The following COG8 variants were observed in gnomAD, a reference collection of about 807,000 sequenced individuals.
COG8 encodes the protein component of oligomeric golgi complex 8.
A neutral mutation model predicts 46.5 loss-of-function variants in COG8; 45 were observed. The ratio of observed to expected loss-of-function variants is 0.97; its 90% confidence interval spans 0.76 to 1.24. The LOEUF (loss-of-function observed/expected upper bound fraction) is 1.24, where lower values mean the gene tolerates loss of function less well. COG8 is among the 50% of genes most tolerant of loss of function. The pLI, the probability that COG8 is intolerant of heterozygous loss-of-function variation, is 0.00. For missense variants in COG8, 793 were observed against 820.8 expected (o/e 0.97, Z 0.41); for synonymous variants, 407 against 347.8 (o/e 1.17, Z -1.90).
At chr16:69,330,366 G>A (rs755291927) in intron 5 of COG8, 36 of 1,477,872 alleles carry the variant, frequency 2.4e-5, no homozygotes, top group East Asian at 1.5e-4. Context: ...TCCCCGACTT[G>A]GCACACGTGC....
intron 4 of COG8, among the ~76,000 whole-genome samples, chr16:69,332,243 G>C (rs746875485): frequency 3.9e-5 from 6 of 152,106 alleles, no homozygotes; most frequent in Admixed American, 2.0e-4. Context: ...CCAGCTACTC[G>C]GGAGGCTGAG....
Position 69,335,080 on chromosome 16 carries a change from A to T in COG8, c.854T>A (p.Ile285Asn). 1 of 1,614,180 alleles carries T rather than the reference A, an allele frequency of 6.2e-7. No homozygotes were observed. Among genetic ancestry groups the T allele is most frequent in the Non-Finnish European group, 8.5e-7 (1 of 1,180,042 alleles). Residue 285 changes from isoleucine to asparagine, a missense_variant, in exon 3 of 6, where the codon ATC (isoleucine) becomes AAC (asparagine). Transcript: ENST00000306875. ...GAAGATGGCACGGTACTGGGTGATG[A>T]TATCAAAGAGATGGACACGGGAGGC... Reference protein sequence around the residue: ...IEASRVHLFDIITQYRAIFSD... With the variant: ...IEASRVHLFDNITQYRAIFSD...
At position 69,330,997 on chromosome 16, in the gene COG8, T is replaced by C. The variant is rs747960409; in HGVS notation, c.1681A>G (p.Thr561Ala). The stretch of plus-strand genomic sequence containing the variant: ...GCCTGGTCATCCAGGGTGAAAAGCG[T>C]CTCTCTCTTTGGCAGGATAAAGGCG... ...PLAFILPKRE[T>A]LFTLDDQALG... is the part of the protein sequence containing the mutation. The change falls in exon 5 of 6, where the codon ACG (threonine) becomes GCG (alanine). Residue 561 changes from threonine to alanine, a missense_variant. Thr to Ala is a moderately conservative substitution (Grantham distance 58, BLOSUM62 0). Transcript: ENST00000306875. 6.2e-7 allele frequency: 1 copy of C among 1,610,236 alleles called. No homozygotes were observed. The highest frequency in any genetic ancestry group is 8.5e-7 in the Non-Finnish European group (1 of 1,178,576).
chr16:69,336,818 T>A, intron 1 of COG8, 106 bp from the exon 2 acceptor site: 1 of 999,834 alleles, frequency 1.0e-6, no homozygotes, highest in South Asian at 1.3e-5. Flanking sequence ...ATCTATCTGA[T>A]TTATTCCTCA....
In COG8 at chr16:69,327,606, A is replaced by C. The variant is rs955602144; in HGVS notation, c.*1600T>G. 2 of 152,086 alleles carry C rather than the reference A, an allele frequency of 1.3e-5. No homozygotes were observed. Among genetic ancestry groups the C allele is most frequent in the Non-Finnish European group, 2.9e-5 (2 of 68,028 alleles). The allele number at this position is 152,086 out of a possible 1,614,324, so 9.4% of individuals were successfully genotyped here. A position where few individuals can be genotyped will look rare whatever the true frequency, so the allele number is the denominator to read the frequency against. ...TGCCATTTATAACACTTTTTCCTCT[A>C]AACAGCTTAATGGACTTCCTACTAC... is the stretch of plus-strand genomic sequence containing the variant. On this transcript the variant is annotated 3_prime_UTR_variant, in exon 6 of 6. Coordinates refer to ENST00000306875, the MANE Select transcript of COG8 (RefSeq NM_032382.5).
At chr16:69,338,104 G>A (rs2012306663) in intron 1 of COG8, 1 of 153,160 alleles carries the variant, frequency 6.5e-6, no homozygotes, top group Non-Finnish European at 1.5e-5. Context: ...ACAGCCCACC[G>A]CAGCCTCGAC....
Position 69,339,183 on chromosome 16 carries a change from T to A in COG8, c.370A>T (p.Ser124Cys), listed in dbSNP as rs2012383197. 3 of 1,612,788 alleles carry A rather than the reference T, an allele frequency of 1.9e-6. No homozygotes were observed. The highest frequency in any genetic ancestry group is 2.5e-6 in the Non-Finnish European group (3 of 1,179,904). The change falls in exon 1 of 6, where the codon AGC (serine) becomes TGC (cysteine). Residue 124 changes from serine (S) to cysteine (C), a missense_variant. Transcript: ENST00000306875. ...LLDRLPSFQQ[S>C]CRNFVKEAEE... ...GCGCCAGGCGCGTCGCACCTGCAGC[T>A]CTGCTGGAAGCTGGGCAAACGGTCG...
chr16:69,329,856 T>C, intron 5 of COG8: 1 of 1,096,540 alleles, frequency 9.1e-7, no homozygotes, highest in Non-Finnish European at 1.2e-6. Context: ...CTATCCGTCC[T>C]GAGGCCTCTC....
At chr16:69,331,663 A>C (rs546359167) in intron 4 of COG8, among the ~76,000 whole-genome samples, 37 of 151,804 alleles carry the variant, frequency 2.4e-4, no homozygotes, top group Middle Eastern at 3.4e-3. Context: ...CCACCATGCC[A>C]GGCTAATTTT....
At position 69,335,277 on chromosome 16, in the gene COG8, G is replaced by T. The variant is rs2143352323; in HGVS notation, c.657C>A (p.Asn219Lys). ...CACGGAGGCAGGCAGGAAGCTGGAT[G>T]TTGGTCCTCAGTTGCTGGATCAGCT... ...LSQLIQQLRT[N>K]IQLPACLRVI... The change falls in exon 3 of 6, where the codon AAC becomes AAA. Residue 219 changes from asparagine (N) to lysine (K), a missense_variant. By Grantham distance (94) the Asn-to-Lys change is moderately conservative. Coordinates refer to ENST00000306875, the MANE Select transcript of COG8 (RefSeq NM_032382.5). The T allele has an allele frequency of 6.2e-7, 1 of 1,613,118 alleles. No homozygotes were observed. The highest frequency in any genetic ancestry group is 1.1e-5 in the South Asian group (1 of 90,984).
chr16:69,332,605 A>T, intron 4 of COG8, 109 bp downstream of exon 4: 2 of 1,070,936 alleles, frequency 1.9e-6, no homozygotes, highest in Non-Finnish European at 2.9e-6. Flanking sequence ...AAATATTCTA[A>T]AATTGGATTC....
chr16:69,329,805 C>T (rs1450593695), intron 5 of COG8, among the ~76,000 whole-genome samples: 1 of 152,246 alleles, frequency 6.6e-6, no homozygotes, highest in Admixed American at 6.5e-5. Flanking sequence ...CTCTCCTCGC[C>T]CCTGCGTCCT....
At chr16:69,331,928 G>C (rs1015331847) in intron 4 of COG8, among the ~76,000 whole-genome samples, 1 of 152,240 alleles carries the variant, frequency 6.6e-6, no homozygotes, top group Admixed American at 6.5e-5. Context: ...ACCTCAGGCA[G>C]CACCAGGGAA....
In COG8 at chr16:69,328,814, C is replaced by T. The variant is rs762166921; in HGVS notation, c.*392G>A. On this transcript the variant is annotated 3_prime_UTR_variant, in exon 6 of 6. Coordinates refer to ENST00000306875, the MANE Select transcript of COG8 (RefSeq NM_032382.5). ...CCACTCCTTTGGGGGTGATTTTTCT[C>T]CTCAAGTTGTAGCCAACATTTTGTC... 4.8e-6 allele frequency: 3 copies of T among 622,218 alleles called. No individual in the cohort carries two copies. The Admixed American group carries it at 1.1e-4, about 23-fold the overall frequency. 38.5% of individuals were successfully genotyped at this position (622,218 alleles called of 1,614,324 possible).
chr16:69,329,859 G>A lies in COG8; in HGVS notation c.*27-680C>T, dbSNP rs1378220011. The A allele has an allele frequency of 8.1e-6, 9 of 1,115,626 alleles. No homozygotes were observed. In the East Asian group the frequency reaches 1.8e-4, roughly 23 times the overall value. The allele number at this position is 1,115,626 out of a possible 1,614,324, so 69.1% of individuals were successfully genotyped here. On this transcript the variant is annotated intron_variant, in intron 5 of 5. Coordinates refer to ENST00000306875, the MANE Select transcript of COG8 (RefSeq NM_032382.5). ...CCACAGGAGCTTCTATCCGTCCTGA[G>A]GCCTCTCCGCTCCCGCATCCCACTT...
At position 69,331,007 on chromosome 16, in the gene COG8, T is replaced by C. The variant is rs776006207; in HGVS notation, c.1671A>G (p.Pro557=). The change falls in exon 5 of 6, where the codon CCA becomes CCG. Residue 557 remains proline (P), a synonymous_variant. Coordinates refer to ENST00000306875, the MANE Select transcript of COG8 (RefSeq NM_032382.5). ...AIQEPLAFIL[P]KRETLFTLDD... is the part of the protein sequence containing the mutation. ...CCAGGGTGAAAAGCGTCTCTCTCTT[T>C]GGCAGGATAAAGGCGAGGGGCTCCT... 3.7e-6 allele frequency: 6 copies of C among 1,612,150 alleles called. No homozygotes were observed. In the South Asian group the frequency reaches 4.4e-5, roughly 12 times the overall value.
In COG8 at chr16:69,339,429, C is replaced by T. The variant is rs746409327; in HGVS notation, c.124G>A (p.Glu42Lys). 2.5e-6 allele frequency: 4 copies of T among 1,586,360 alleles called. No individual in the cohort carries two copies. The highest frequency in any genetic ancestry group is 2.3e-5 in the East Asian group (1 of 43,898). ...AGGTAGCGGCCCACATCGGGCCGCT[C>T]GCGCCACTGGGCCTCGGGGAAGCGG... ...RDRFPEAQWR[E>K]RPDVGRYLRE... Residue 42 changes from glutamate (E) to lysine (K), a missense_variant, in exon 1 of 6, where the codon GAG becomes AAG. Glu to Lys is a moderately conservative substitution (Grantham distance 56, BLOSUM62 1). Coordinates refer to ENST00000306875, the MANE Select transcript of COG8 (RefSeq NM_032382.5).
chr16:69,331,050 A>C lies in COG8; in HGVS notation c.1628T>G (p.Val543Gly). 6.2e-7 allele frequency: 1 copy of C among 1,614,006 alleles called. No individual in the cohort carries two copies. The highest frequency in any genetic ancestry group is 8.5e-7 in the Non-Finnish European group (1 of 1,179,996). The change falls in exon 5 of 6, where the codon GTG becomes GGG. Residue 543 changes from valine to glycine, a missense_variant. Physicochemically the swap from Val to Gly is moderately radical, Grantham distance 109. Transcript: ENST00000306875. ...GGGCTCCTGAATGGCGCCGATGTTC[A>C]CATGCCCTAGGTTACCGTACTTGGA... ...QLSKYGNLGH[V>G]NIGAIQEPLA...
intron 4 of COG8, 107 bp from the exon 5 acceptor site, chr16:69,331,202 C>T: frequency 8.0e-7 from 1 of 1,243,314 alleles, no homozygotes; most frequent in Non-Finnish European, 1.1e-6. Flanking sequence ...AATCCCAGCA[C>T]TTTGGGAGGC....
Sources: gnomAD v4.1 joint callset for allele counts (sites outside exome capture counted in the v4.1 genomes callset) on GRCh38, gnomAD v4.1.1 for gene constraint, MANE v1.5 for transcripts, NCBI Gene and HGNC (gene_info 2026-07-23, HGNC 2026-07-21) for gene names.